PHF24: variants seen among roughly 807,000 people sequenced by gnomAD.
PHF24 encodes PHD finger protein 24, also known as Galpha inhibitory interacting protein.
PHF24 carries 25 observed loss-of-function variants against 42.6 expected under a neutral mutation model. The ratio of observed to expected loss-of-function variants is 0.59; its 90% confidence interval spans 0.43 to 0.82. The LOEUF (loss-of-function observed/expected upper bound fraction) is 0.82. Ranked by LOEUF, PHF24 falls within the 40% of genes least tolerant of loss-of-function variation. The pLI is 0.00. For missense variants in PHF24, 470 were observed against 538.1 expected (o/e 0.87, Z 1.25); for synonymous variants, 185 against 204.8 (o/e 0.90, Z 0.83).
At chr9:34,856,164 A>G in the PHF24 span, among the ~76,000 whole-genome samples, 1 of 152,152 alleles carries the variant, frequency 6.6e-6, no homozygotes, top group Non-Finnish European at 1.5e-5. Flanking sequence ...TCTGGTTATC[A>G]GTTCCTGTAT....
At chr9:34,976,037 G>A in intron 3 of PHF24, 115 bp from the exon 4 acceptor site, 1 of 734,024 alleles carries the variant, frequency 1.4e-6, no homozygotes, top group South Asian at 1.6e-5. Context: ...ATAGGAGGCT[G>A]GGATTAGATG....
the PHF24 span, among the ~76,000 whole-genome samples, chr9:34,859,510 G>T: frequency 6.6e-6 from 1 of 152,024 alleles, no homozygotes; most frequent in African/African-American, 2.4e-5. Context: ...GTTTTTTCTA[G>T]ACCTTTGACT....
the PHF24 span, among the ~76,000 whole-genome samples, chr9:34,810,854 C>G: frequency 6.6e-6 from 1 of 152,034 alleles, no homozygotes; most frequent in Non-Finnish European, 1.5e-5. Flanking sequence ...GAAACTGCTG[C>G]GAGAGCACAG....
chr9:34,815,521 A>G, the PHF24 span, among the ~76,000 whole-genome samples: 1 of 152,096 alleles, frequency 6.6e-6, no homozygotes, highest in African/African-American at 2.4e-5. Flanking sequence ...ACAGGGTTTC[A>G]CCGTGTTAGC....
At chr9:34,675,323 G>A in the PHF24 span, among the ~76,000 whole-genome samples, 12 of 152,198 alleles carry the variant, frequency 7.9e-5, no homozygotes, top group Non-Finnish European at 1.3e-4. Context: ...GGAGTGTGTG[G>A]TTCCTGGCCT....
chr9:34,843,105 T>G, the PHF24 span, among the ~76,000 whole-genome samples: 570 of 152,332 alleles, frequency 3.7e-3, 3 homozygotes, highest in African/African-American at 0.013. Context: ...AAAGGACACA[T>G]TACTTGTCTA....
chr9:34,725,409 T>C, the PHF24 span: 1 of 1,181,634 alleles, frequency 8.5e-7, no homozygotes, highest in African/African-American at 1.6e-5. Flanking sequence ...GACTGCTGGA[T>C]CTTCTGAGGC....
At chr9:34,850,564 A>G in the PHF24 span, among the ~76,000 whole-genome samples, 4 of 152,270 alleles carry the variant, frequency 2.6e-5, no homozygotes, top group Non-Finnish European at 5.9e-5. Flanking sequence ...CCTGTAGCTC[A>G]GAGTAGTTTG....
chr9:34,938,743 C>T, the PHF24 span, among the ~76,000 whole-genome samples: 1,412 of 149,236 alleles, frequency 9.5e-3, 24 homozygotes, highest in African/African-American at 0.033. Flanking sequence ...TCCTGGCTAA[C>T]GCGGTGAAAC....
At chr9:34,937,002 CCGCCCCG>C in the PHF24 span, among the ~76,000 whole-genome samples, 22 of 149,318 alleles carry the variant, frequency 1.5e-4, no homozygotes, top group African/African-American at 5.2e-4. Flanking sequence ...GCCAGGCCAG[CCGCCCCG>C]TCCGGGAGGG....
intron 1 of PHF24, among the ~76,000 whole-genome samples, chr9:34,963,343 G>A (rs145191485): frequency 6.0e-5 from 9 of 149,790 alleles, no homozygotes; most frequent in East Asian, 2.0e-4. Flanking sequence ...TGCATTCAGC[G>A]TTTGTTTTGT....
At chr9:34,975,126 G>C (rs1812478276) in intron 3 of PHF24, among the ~76,000 whole-genome samples, 1 of 152,082 alleles carries the variant, frequency 6.6e-6, no homozygotes, top group Non-Finnish European at 1.5e-5. Context: ...AAAACCCTTT[G>C]GTGGCTCCCT....
chr9:34,696,135 A>T, the PHF24 span, among the ~76,000 whole-genome samples: 2 of 152,172 alleles, frequency 1.3e-5, no homozygotes, highest in African/African-American at 4.8e-5. Context: ...CTATAGTACT[A>T]TATTGAGGCC....
At chr9:34,852,811 G>T in the PHF24 span, among the ~76,000 whole-genome samples, 2 of 152,048 alleles carry the variant, frequency 1.3e-5, no homozygotes, top group Non-Finnish European at 2.9e-5. Context: ...TGTATTTTTT[G>T]AGTTGGAGTC....
the PHF24 span, among the ~76,000 whole-genome samples, chr9:34,830,817 C>T: frequency 6.6e-6 from 1 of 152,224 alleles, no homozygotes; most frequent in Non-Finnish European, 1.5e-5. Flanking sequence ...GAGGGGCTTA[C>T]ATTTCTTAGC....
chr9:34,715,540 G>A, the PHF24 span, among the ~76,000 whole-genome samples: 2 of 152,170 alleles, frequency 1.3e-5, no homozygotes, highest in Non-Finnish European at 1.5e-5. Context: ...CATCCGAGAT[G>A]TGGGTCTCCA....
the PHF24 span, among the ~76,000 whole-genome samples, chr9:34,669,666 A>G: frequency 2.0e-5 from 3 of 151,934 alleles, no homozygotes; most frequent in African/African-American, 7.3e-5. Context: ...GCTGTCTCCT[A>G]TTTATGGCCC....
the PHF24 span, among the ~76,000 whole-genome samples, chr9:34,898,038 T>C: frequency 1.3e-5 from 2 of 152,188 alleles, no homozygotes; most frequent in Non-Finnish European, 2.9e-5. Flanking sequence ...TATTCCATCA[T>C]ATATATATAC....
chr9:34,684,503 G>GAACT, the PHF24 span, among the ~76,000 whole-genome samples: 272 of 152,248 alleles, frequency 1.8e-3, 1 homozygote, highest in Non-Finnish European at 2.8e-3. Context: ...ACAGTGGTAG[G>GAACT]GTTTCCTGAG....
Sources: gnomAD v4.1 joint callset for allele counts (sites outside exome capture counted in the v4.1 genomes callset) on GRCh38, gnomAD v4.1.1 for gene constraint, MANE v1.5 for transcripts, NCBI Gene and HGNC (gene_info 2026-07-23, HGNC 2026-07-21) for gene names.